WDR27: variants seen among roughly 807,000 people sequenced by gnomAD.
WDR27 encodes WD repeat-containing protein 27.
A neutral mutation model predicts 114.4 loss-of-function variants in WDR27; 100 were observed. That is an observed-to-expected ratio of 0.87 (90% CI 0.74 to 1.03). The LOEUF is 1.03. WDR27 is among the 50% of genes least tolerant of loss of function. The pLI is 0.00. For synonymous variants in WDR27, 449 were observed against 423.1 expected, an observed-to-expected ratio of 1.06 and a Z score of -0.75; for missense variants, 1,129 against 1,092.9, an observed-to-expected ratio of 1.03 and a Z score of -0.47.
intron 25 of WDR27, among the ~76,000 whole-genome samples, chr6:169,511,486 C>T (rs927987869): frequency 5.3e-5 from 8 of 151,304 alleles, no homozygotes; most frequent in African/African-American, 1.9e-4. Context: ...AAAGTGTTGC[C>T]TTCCCCCCAA....
chr6:169,622,387 G>A (rs550348277), intron 21 of WDR27, among the ~76,000 whole-genome samples: 1 of 152,018 alleles, frequency 6.6e-6, no homozygotes, highest in East Asian at 1.9e-4. Context: ...GATGTTCAGG[G>A]TTCACACACA....
chr6:169,630,250 A>G, intron 21 of WDR27, among the ~76,000 whole-genome samples: 1 of 152,246 alleles, frequency 6.6e-6, no homozygotes, highest in East Asian at 1.9e-4. Flanking sequence ...TCTGAAATCT[A>G]CATGCTGACG....
chr6:169,557,164 T>C (rs1562578713), intron 25 of WDR27, among the ~76,000 whole-genome samples: 1 of 152,332 alleles, frequency 6.6e-6, no homozygotes, highest in South Asian at 2.1e-4. Context: ...AACTGAGGGC[T>C]GGGTAAACTG....
chr6:169,656,931 G>C (rs905729642), intron 13 of WDR27, among the ~76,000 whole-genome samples: 1 of 152,246 alleles, frequency 6.6e-6, no homozygotes, highest in African/African-American at 2.4e-5. Flanking sequence ...GCTTGGCCCA[G>C]AGGCTGCAAT....
chr6:169,573,880 G>A (rs1352325288), intron 24 of WDR27, among the ~76,000 whole-genome samples: 1 of 152,172 alleles, frequency 6.6e-6, no homozygotes, highest in Admixed American at 6.5e-5. Flanking sequence ...TTGCATCTGT[G>A]GTTTGAGATA....
intron 25 of WDR27, among the ~76,000 whole-genome samples, chr6:169,528,927 T>C (rs1481233653): frequency 1.3e-5 from 2 of 152,192 alleles, no homozygotes; most frequent in Non-Finnish European, 2.9e-5. Flanking sequence ...TTTGGCAATA[T>C]GTATCAACAG....
At chr6:169,499,622 G>A (rs950667298) in intron 25 of WDR27, among the ~76,000 whole-genome samples, 1 of 152,224 alleles carries the variant, frequency 6.6e-6, no homozygotes, top group Non-Finnish European at 1.5e-5. Context: ...GTGTTGAGAA[G>A]GAAATACATT....
chr6:169,582,053 A>G (rs1223634711), intron 24 of WDR27, among the ~76,000 whole-genome samples: 1 of 152,296 alleles, frequency 6.6e-6, no homozygotes, highest in East Asian at 1.9e-4. Flanking sequence ...GACTCACTGC[A>G]ACCGCCGCCT....
At chr6:169,559,987 C>T (rs1799461287) in intron 25 of WDR27, 1 of 152,166 alleles carries the variant, frequency 6.6e-6, no homozygotes, top group African/African-American at 2.4e-5. Context: ...ACATAAAGCA[C>T]TTAAGGATGG....
chr6:169,545,491 T>C (rs988184856), intron 25 of WDR27, among the ~76,000 whole-genome samples: 2 of 151,878 alleles, frequency 1.3e-5, no homozygotes, highest in African/African-American at 4.8e-5. Context: ...AGCCCAGGAG[T>C]TTGAGGTGGT....
chr6:169,442,010 G>T, the WDR27 span, among the ~76,000 whole-genome samples: 1 of 152,126 alleles, frequency 6.6e-6, no homozygotes, highest in Non-Finnish European at 1.5e-5. Context: ...GGGATATTCA[G>T]CCAAAAAAAT....
At chr6:169,444,203 C>T in the WDR27 span, among the ~76,000 whole-genome samples, 3,058 of 152,274 alleles carry the variant, frequency 0.02, 62 homozygotes, top group East Asian at 0.07. Flanking sequence ...CAAAAACTTA[C>T]GCGCTCCTGG....
At chr6:169,638,432 C>A in intron 18 of WDR27, 107 bp downstream of exon 18, 1 of 1,408,214 alleles carries the variant, frequency 7.1e-7, no homozygotes, top group South Asian at 1.4e-5. Context: ...AAACTCTTGG[C>A]TTACGTCCCT....
intron 25 of WDR27, among the ~76,000 whole-genome samples, chr6:169,531,062 C>G (rs1795533370): frequency 6.6e-6 from 1 of 152,142 alleles, no homozygotes; most frequent in Non-Finnish European, 1.5e-5. Context: ...GATTAAGGTC[C>G]ATGAAAACAG....
At chr6:169,652,779 A>AG (rs1822953104) in intron 13 of WDR27, among the ~76,000 whole-genome samples, 1 of 152,272 alleles carries the variant, frequency 6.6e-6, no homozygotes, top group Non-Finnish European at 1.5e-5. Flanking sequence ...TTATCTCTGT[A>AG]TTAAAACTAT....
chr6:169,438,289 G>A, the WDR27 span, among the ~76,000 whole-genome samples: 2 of 143,892 alleles, frequency 1.4e-5, no homozygotes, highest in African/African-American at 5.1e-5. Flanking sequence ...CCAGGCTGGA[G>A]TGCAGTGGCG....
chr6:169,554,862 T>A (rs1562575000), intron 25 of WDR27, among the ~76,000 whole-genome samples: 1 of 152,250 alleles, frequency 6.6e-6, no homozygotes, highest in Non-Finnish European at 1.5e-5. Context: ...ATTGACTACA[T>A]ACATTTTGTT....
the WDR27 span, among the ~76,000 whole-genome samples, chr6:169,427,450 T>C: frequency 2.0e-5 from 3 of 152,060 alleles, no homozygotes; most frequent in Admixed American, 6.5e-5. Context: ...GCCCCCCATC[T>C]TAGAAACTGA....
At chr6:169,449,972 ATAAT>A in the WDR27 span, among the ~76,000 whole-genome samples, 1 of 152,224 alleles carries the variant, frequency 6.6e-6, no homozygotes, top group Non-Finnish European at 1.5e-5. Context: ...TTTGGGGTGA[ATAAT>A]TACTCAATAT....
Sources: gnomAD v4.1 joint callset for allele counts (sites outside exome capture counted in the v4.1 genomes callset) on GRCh38, gnomAD v4.1.1 for gene constraint, MANE v1.5 for transcripts, NCBI Gene and HGNC (gene_info 2026-07-23, HGNC 2026-07-21) for gene names.